PCGF3: variants seen among roughly 807,000 people sequenced by gnomAD.
The protein encoded by PCGF3 is polycomb group RING finger protein 3.
In PCGF3, 7 loss-of-function variants were observed where a neutral mutation model predicts 33.1. That is an observed-to-expected ratio of 0.21 (90% confidence interval 0.12 to 0.40). The LOEUF (loss-of-function observed/expected upper bound fraction) is 0.40. PCGF3 is among the 10% of genes least tolerant of loss of function. The pLI, the probability that PCGF3 is intolerant of heterozygous loss-of-function variation, is 1.00. For synonymous variants in PCGF3, 153 were observed against 121.3 expected (o/e 1.26, Z -1.72); for missense variants, 211 against 313.3 (o/e 0.67, Z 2.46).
At position 737,587 on chromosome 4, in the gene PCGF3, T is replaced by G. The variant is rs1164528631; in HGVS notation, c.262+66T>G. On this transcript the variant is annotated intron_variant, in intron 6 of 10. Coordinates refer to ENST00000362003, the Ensembl canonical transcript of PCGF3. ...CTGGCCTCTGCAGCCCCTGCTCTCCTGGAAGTTTGGTTCTCGGATGGGAGG... is the reference window on the plus strand; with the variant it reads ...CTGGCCTCTGCAGCCCCTGCTCTCCGGGAAGTTTGGTTCTCGGATGGGAGG... The G allele has an allele frequency of 5.9e-6, 6 of 1,018,078 alleles. No individual in the cohort carries two copies. The African/African-American group carries it at 8.0e-5, about 14-fold the overall frequency. 63.1% of individuals were successfully genotyped at this position (1,018,078 alleles called of 1,614,324 possible). A position where few individuals can be genotyped will look rare whatever the true frequency, so the allele number is the denominator to read the frequency against.
intron 1 of PCGF3, among the ~76,000 whole-genome samples, chr4:723,280 C>T (rs1283660368): frequency 6.6e-6 from 1 of 152,220 alleles, no homozygotes; most frequent in Non-Finnish European, 1.5e-5. Flanking sequence ...CATGGAGCCA[C>T]GTGACCTTGA....
At chr4:728,900 G>C (rs1743436274) in intron 1 of PCGF3, among the ~76,000 whole-genome samples, 1 of 152,010 alleles carries the variant, frequency 6.6e-6, no homozygotes, top group East Asian at 1.9e-4. Context: ...AGGAGTTCGA[G>C]ACCAGCCTGG....
chr4:733,481 G>A (rs1323234157), intron 3 of PCGF3, among the ~76,000 whole-genome samples, 191 bp from the exon 4 acceptor site: 1 of 152,208 alleles, frequency 6.6e-6, no homozygotes, highest in African/African-American at 2.4e-5. Flanking sequence ...GCTTGTCCCA[G>A]TGCACGCAGA....
intron 1 of PCGF3, among the ~76,000 whole-genome samples, chr4:716,563 A>C (rs1742855730): frequency 8.3e-6 from 1 of 119,928 alleles, no homozygotes; most frequent in Non-Finnish European, 1.7e-5. Flanking sequence ...CGAGTGTGAG[A>C]ACTGGGCGTC....
intron 1 of PCGF3, among the ~76,000 whole-genome samples, chr4:728,270 C>T (rs570550238): frequency 2.0e-5 from 3 of 152,280 alleles, no homozygotes; most frequent in East Asian, 1.9e-4. Context: ...CAATAATGCA[C>T]ATCTTAAAAA....
In PCGF3 at chr4:720,548, T is replaced by C. The variant is rs1478140274; in HGVS notation, c.-189-10082T>C. ...GGCTGGGAGGACGGCAAGGCTGATG[T>C]GGACGCAGCCCCGACGTGAACAGGA... is the stretch of plus-strand genomic sequence containing the variant. On this transcript the variant is annotated intron_variant, in intron 1 of 10. Coordinates refer to ENST00000362003, the Ensembl canonical transcript of PCGF3. The surrounding 1 kb of genome is among the most constrained non-coding windows in gnomAD (Gnocchi z 5.6). Among the ~76,000 whole-genome samples, 1 of 152,128 alleles carries C rather than the reference T, an allele frequency of 6.6e-6. No homozygotes were observed. The highest frequency in any genetic ancestry group is 1.5e-5 in the Non-Finnish European group (1 of 68,016).
At chr4:726,495 C>G (rs1305913420) in intron 1 of PCGF3, among the ~76,000 whole-genome samples, 1 of 152,212 alleles carries the variant, frequency 6.6e-6, no homozygotes, top group Non-Finnish European at 1.5e-5. Flanking sequence ...CAGGCCTTGG[C>G]TTTTTTTCTC....
At chr4:750,846 T>TC (rs1237273118) in intron 8 of PCGF3, among the ~76,000 whole-genome samples, 2 of 151,966 alleles carry the variant, frequency 1.3e-5, no homozygotes, top group African/African-American at 4.8e-5. Flanking sequence ...ATTCTTTTTT[T>TC]TTCTTTTTTC....
intron 4 of PCGF3, 44 bp downstream of exon 4, chr4:733,833 C>G (rs1743721653): frequency 6.8e-6 from 11 of 1,613,454 alleles, no homozygotes; most frequent in Non-Finnish European, 9.3e-6. Context: ...GCGCCCTTCC[C>G]AGCTCTGTGC....
chr4:712,591 C>A (rs563933911), intron 1 of PCGF3, among the ~76,000 whole-genome samples: 2 of 152,268 alleles, frequency 1.3e-5, no homozygotes, highest in African/African-American at 4.8e-5. Flanking sequence ...GGATTACAGG[C>A]GCCTGCCACC....
chr4:736,630 A>T (rs1743844072), intron 5 of PCGF3, among the ~76,000 whole-genome samples: 1 of 107,630 alleles, frequency 9.3e-6, no homozygotes, highest in Admixed American at 8.8e-5. Context: ...CCCTGAGCAC[A>T]CAGGATGCAG....
intron 3 of PCGF3, 152 bp downstream of exon 3, chr4:731,262 C>A (rs952598304): frequency 1.0e-5 from 4 of 398,218 alleles, no homozygotes; most frequent in African/African-American, 2.1e-5. Flanking sequence ...CTGGCCCCTC[C>A]TGTGAGAGTC....
chr4:761,231 T>C (rs756801191), intron 8 of PCGF3, 48 bp from the exon 9 acceptor site: 2 of 1,505,512 alleles, frequency 1.3e-6, no homozygotes, highest in African/African-American at 2.8e-5. Context: ...TCCAGAACCG[T>C]CCGGGGGAAC....
chr4:710,773 G>T (rs1742529257), intron 1 of PCGF3, among the ~76,000 whole-genome samples: 1 of 152,230 alleles, frequency 6.6e-6, no homozygotes. Context: ...TACAAGGTGT[G>T]TGTCACTGAT....
At chr4:769,466 GCCA>G (rs1486534235) in exon 11 of PCGF3, 6 of 152,696 alleles carry the variant, frequency 3.9e-5, no homozygotes, top group South Asian at 2.1e-4. Context: ...TCATTACTGC[GCCA>G]CCACATCACA....
intron 1 of PCGF3, among the ~76,000 whole-genome samples, chr4:728,968 C>T (rs983938597): frequency 1.3e-4 from 20 of 151,770 alleles, no homozygotes; most frequent in Admixed American, 7.9e-4. Flanking sequence ...GGCGTGGTGG[C>T]GGACGTCTAT....
At chr4:758,392 T>A (rs894935077) in intron 8 of PCGF3, among the ~76,000 whole-genome samples, 1 of 141,822 alleles carries the variant, frequency 7.1e-6, no homozygotes. Context: ...GGAGTTCTTC[T>A]CCTTCCGGAC....
chr4:740,789 A>G (rs1176664152), intron 6 of PCGF3, among the ~76,000 whole-genome samples: 2 of 152,208 alleles, frequency 1.3e-5, no homozygotes, highest in Non-Finnish European at 2.9e-5. Context: ...GGTTGGAACC[A>G]GCCCCACTGG....
intron 8 of PCGF3, among the ~76,000 whole-genome samples, chr4:750,271 G>GTTCTGAAA (rs1744454915): frequency 6.6e-6 from 1 of 152,198 alleles, no homozygotes; most frequent in Admixed American, 6.5e-5. Flanking sequence ...GAGTAACGTG[G>GTTCTGAAA]CCTTTTTGGG....
Sources: gnomAD v4.1 joint callset for allele counts (sites outside exome capture counted in the v4.1 genomes callset) on GRCh38, gnomAD v4.1.1 for gene constraint, Gnocchi (gnomAD v3.1) non-coding constraint, MANE v1.5 for transcripts, NCBI Gene and HGNC (gene_info 2026-07-23, HGNC 2026-07-21) for gene names.